IQSEC1: variants seen among roughly 807,000 people sequenced by gnomAD.
IQSEC1 encodes IQ motif and Sec7 domain ArfGEF 1.
IQSEC1 carries 31 observed loss-of-function variants against 91.0 expected under a neutral mutation model. The ratio of observed to expected loss-of-function variants is 0.34; its 90% confidence interval spans 0.26 to 0.46. IQSEC1 has a LOEUF of 0.46. Ranked by LOEUF, IQSEC1 falls within the 20% of genes least tolerant of loss-of-function variation. IQSEC1 has a pLI of 1.00. For missense variants in IQSEC1, 1,388 were observed against 1,575.6 expected, an observed-to-expected ratio of 0.88 and a Z score of 2.02; for synonymous variants, 699 against 662.6, an observed-to-expected ratio of 1.05 and a Z score of -0.84.
chr3:13,141,403 G>A (rs1706797472), intron 2 of IQSEC1, among the ~76,000 whole-genome samples: 1 of 152,236 alleles, frequency 6.6e-6, no homozygotes, highest in Admixed American at 6.5e-5. Context: ...TGCCAGCCAT[G>A]GGGCCGTCTC....
intron 3 of IQSEC1, among the ~76,000 whole-genome samples, chr3:12,934,916 G>A (rs891331307): frequency 6.6e-6 from 1 of 151,280 alleles, no homozygotes. Context: ...TCCAGGACAC[G>A]GTTCTGGGTC....
chr3:13,161,289 G>C (rs1434539918), intron 2 of IQSEC1, among the ~76,000 whole-genome samples: 1 of 152,282 alleles, frequency 6.6e-6, no homozygotes, highest in South Asian at 2.1e-4. Flanking sequence ...AGCCCAGGGG[G>C]AGTGCGGGAG....
chr3:13,164,109 G>A (rs1693419408), exon 2 of IQSEC1, among the ~76,000 whole-genome samples: 2 of 152,144 alleles, frequency 1.3e-5, no homozygotes. Flanking sequence ...CATACCTGAC[G>A]CTCCGCGAGC....
At chr3:13,019,819 T>G (rs1238568623) in intron 1 of IQSEC1, among the ~76,000 whole-genome samples, 1 of 152,160 alleles carries the variant, frequency 6.6e-6, no homozygotes, top group Non-Finnish European at 1.5e-5. Flanking sequence ...GTGACACCCC[T>G]GTGAAGCTAC....
chr3:12,957,120 G>A (rs1559671966), intron 1 of IQSEC1, among the ~76,000 whole-genome samples: 1 of 152,146 alleles, frequency 6.6e-6, no homozygotes, highest in South Asian at 2.1e-4. Context: ...AACGAGATAC[G>A]TCCATCTCTG....
chr3:13,086,685 T>C (rs909316050), intron 2 of IQSEC1, among the ~76,000 whole-genome samples: 2 of 152,176 alleles, frequency 1.3e-5, no homozygotes, highest in African/African-American at 4.8e-5. Flanking sequence ...CTCAGGGCCT[T>C]TGCATCTGCT....
intron 3 of IQSEC1, among the ~76,000 whole-genome samples, chr3:12,926,241 C>T (rs902195605): frequency 4.6e-5 from 7 of 151,316 alleles, no homozygotes; most frequent in Admixed American, 6.6e-5. Context: ...ACTCGGGAGG[C>T]GCAGGTTACG....
intron 1 of IQSEC1, among the ~76,000 whole-genome samples, chr3:13,055,414 A>C (rs1338198291): frequency 1.3e-5 from 2 of 152,210 alleles, no homozygotes; most frequent in East Asian, 3.8e-4. Context: ...TGCTTCATCC[A>C]ATCTAGTCTC....
intron 2 of IQSEC1, among the ~76,000 whole-genome samples, chr3:13,144,242 A>C (rs549550153): frequency 1.7e-4 from 26 of 152,258 alleles, no homozygotes; most frequent in Admixed American, 2.6e-4. Context: ...AGGGAACTAG[A>C]CCACGGCCGG....
At chr3:13,281,463 CATGT>C (rs10581723) in intron 1 of IQSEC1, among the ~76,000 whole-genome samples, 71,298 of 151,514 alleles carry the variant, frequency 0.47, 17,600 homozygotes, top group East Asian at 0.56. Context: ...CGCACAGAGC[CATGT>C]ATGTGTTCAC....
rs758400333 is a variant in IQSEC1, at chr3:12,936,094, C to T, written c.922G>A (p.Gly308Arg). 1 of 1,610,668 alleles carries T rather than the reference C, an allele frequency of 6.2e-7. No homozygotes were observed. The highest frequency in any genetic ancestry group is 1.7e-5 in the Admixed American group (1 of 60,018). ...GACTCGGTGCTGGACGGCCGGTCCC[C>T]TGCCTGCGAGAGGGGCAGAGGGGGC... ...LSPPLPLSQA[G>R]DRPSSTESDL... is the part of the protein sequence containing the mutation. Residue 308 changes from glycine to arginine, a missense_variant, in exon 3 of 14, where the codon GGG becomes AGG. By Grantham distance (125) the Gly-to-Arg change is moderately radical. Around this residue, in one of 2 missense-constraint regions of IQSEC1, gnomAD observed 1,059 missense variants for 1,317.8 expected, o/e 0.80. Coordinates refer to ENST00000613206, the MANE Select transcript of IQSEC1 (RefSeq NM_001134382.3).
chr3:13,271,772 A>C (rs1053971170), intron 1 of IQSEC1, among the ~76,000 whole-genome samples: 3 of 152,224 alleles, frequency 2.0e-5, no homozygotes, highest in Non-Finnish European at 2.9e-5. Flanking sequence ...TCCAACCTGG[A>C]TGACAGAGCA....
At position 12,900,534 on chromosome 3, in the gene IQSEC1, A is replaced by AT. The variant is rs759485709; in HGVS notation, c.*448dup. 1,167 of 966,856 alleles carry AT rather than the reference A, an allele frequency of 1.2e-3. 3 individuals carry two copies. Among genetic ancestry groups the AT allele is most frequent in the Middle Eastern group, 3.2e-3 (6 of 1,894 alleles). The allele number at this position is 966,856 out of a possible 1,614,324, so 59.9% of individuals were successfully genotyped here. A position where few individuals can be genotyped will look rare whatever the true frequency, so the allele number is the denominator to read the frequency against. ...TTCATCAACCATATCAGGTCTACTT[A>AT]TTTTTTTGCCCATTGTCAATAAAAG... is the stretch of plus-strand genomic sequence containing the variant. On this transcript the variant is annotated 3_prime_UTR_variant, in exon 14 of 14. Coordinates refer to ENST00000613206, the MANE Select transcript of IQSEC1 (RefSeq NM_001134382.3).
chr3:12,919,021 A>G (rs1696362550), intron 6 of IQSEC1, among the ~76,000 whole-genome samples: 1 of 152,178 alleles, frequency 6.6e-6, no homozygotes, highest in Non-Finnish European at 1.5e-5. Flanking sequence ...ATCAGGGGTC[A>G]TGCGGAGGTC....
chr3:13,195,060 A>G (rs1694102070), intron 1 of IQSEC1, among the ~76,000 whole-genome samples: 1 of 152,234 alleles, frequency 6.6e-6, no homozygotes, highest in African/African-American at 2.4e-5. Flanking sequence ...ACGATAAGGC[A>G]TGCTACTGAC....
chr3:13,104,641 C>G (rs759917839), intron 2 of IQSEC1, among the ~76,000 whole-genome samples: 10 of 152,216 alleles, frequency 6.6e-5, no homozygotes, highest in Non-Finnish European at 8.8e-5. Flanking sequence ...CCCCACCTCT[C>G]CCCCTCCGGT....
Position 12,901,165 on chromosome 3 carries a change from C to T in IQSEC1, c.3163G>A (p.Ala1055Thr), listed in dbSNP as rs565106950. 1,204 of 1,542,878 alleles carry T rather than the reference C, an allele frequency of 7.8e-4. 2 individuals are homozygous for T. The highest frequency in any genetic ancestry group is 9.2e-4 in the Admixed American group (47 of 50,860). ...TGGGGGCCGTGGTGGTACTGGTGTGCGTGCTGGATGTGCTGGGGTGGGTGG... is the reference window on the plus strand; with the variant it reads ...TGGGGGCCGTGGTGGTACTGGTGTGTGTGCTGGATGTGCTGGGGTGGGTGG... ...HHHPPQHIQH[A>T]HQYHHGPHGG... The change falls in exon 14 of 14, where the codon GCA becomes ACA. Residue 1055 changes from alanine (A) to threonine (T), a missense_variant. Around this residue, in one of 2 missense-constraint regions of IQSEC1, gnomAD observed 329 missense variants for 257.8 expected, o/e 1.28. Coordinates refer to ENST00000613206, the MANE Select transcript of IQSEC1 (RefSeq NM_001134382.3).
At chr3:12,915,297 T>C (rs547949210) in intron 7 of IQSEC1, among the ~76,000 whole-genome samples, 164 bp from the exon 8 acceptor site, 2 of 152,296 alleles carry the variant, frequency 1.3e-5, no homozygotes, top group East Asian at 1.9e-4. Flanking sequence ...CCCAGGGGAC[T>C]CCTGGACCAC....
chr3:12,991,541 T>A (rs990592232), intron 1 of IQSEC1, among the ~76,000 whole-genome samples: 1 of 148,432 alleles, frequency 6.7e-6, no homozygotes, highest in African/African-American at 2.5e-5. Context: ...CCCACCTGCC[T>A]AATTATGAGG....
Sources: allele counts gnomAD v4.1 joint callset (sites outside exome capture counted in the v4.1 genomes callset), GRCh38; gene constraint gnomAD v4.1.1; regional missense constraint gnomAD v4.1.1; transcripts MANE v1.5; gene names NCBI Gene and HGNC (gene_info 2026-07-23, HGNC 2026-07-21).